The following APP variants were observed in gnomAD, a reference collection of about 807,000 sequenced individuals.
The protein encoded by APP is amyloid beta precursor protein.
APP carries 31 observed loss-of-function variants against 101.4 expected under a neutral mutation model. The ratio of observed to expected loss-of-function variants is 0.31; its 90% CI spans 0.23 to 0.41. The LOEUF is 0.41. APP is among the 10% of genes least tolerant of loss of function. APP has a pLI of 1.00. For missense variants in APP, 839 were observed against 1,003.7 expected (o/e 0.84, Z 2.22); for synonymous variants, 366 against 364.4 (o/e 1.00, Z -0.05).
chr21:26,022,545 A>G (rs116328998), intron 5 of APP, among the ~76,000 whole-genome samples: 2,679 of 152,272 alleles, frequency 0.018, 75 homozygotes, highest in African/African-American at 0.061. Context: ...GTACCATACT[A>G]AGGCAAAATG....
chr21:25,925,959 CAACA>C (rs1168263903), intron 13 of APP, among the ~76,000 whole-genome samples: 1 of 152,090 alleles, frequency 6.6e-6, no homozygotes, highest in African/African-American at 2.4e-5. Flanking sequence ...CAAAAACAAA[CAACA>C]AACAAAAAAA....
At chr21:26,024,706 G>A (rs2044492938) in intron 5 of APP, among the ~76,000 whole-genome samples, 1 of 152,200 alleles carries the variant, frequency 6.6e-6, no homozygotes, top group Non-Finnish European at 1.5e-5. Flanking sequence ...GTATAAAGAT[G>A]TGTATGATCC....
intron 13 of APP, among the ~76,000 whole-genome samples, chr21:25,912,791 T>C (rs955817020): frequency 2.6e-5 from 4 of 152,194 alleles, no homozygotes; most frequent in Non-Finnish European, 5.9e-5. Context: ...CATTGACTTA[T>C]CTTTTCTTAC....
intron 1 of APP, among the ~76,000 whole-genome samples, chr21:26,162,237 G>A (rs1057367772): frequency 1.3e-5 from 2 of 152,226 alleles, no homozygotes; most frequent in Admixed American, 1.3e-4. Flanking sequence ...GCTGGGGCAG[G>A]AAGATGGCTT....
At chr21:26,166,276 T>C (rs1288122409) in intron 1 of APP, among the ~76,000 whole-genome samples, 1 of 152,032 alleles carries the variant, frequency 6.6e-6, no homozygotes, top group African/African-American at 2.4e-5. Flanking sequence ...CATTCTGGGG[T>C]GTGCTCATTC....
intron 2 of APP, among the ~76,000 whole-genome samples, chr21:26,091,321 C>A (rs900042332): frequency 6.6e-6 from 1 of 152,054 alleles, no homozygotes; most frequent in Admixed American, 6.5e-5. Flanking sequence ...GAATGTATGG[C>A]GCACAGGACT....
At chr21:25,918,796 G>A (rs1353543703) in intron 13 of APP, among the ~76,000 whole-genome samples, 1 of 150,570 alleles carries the variant, frequency 6.6e-6, no homozygotes, top group Non-Finnish European at 1.5e-5. Flanking sequence ...CGGCAGCGAG[G>A]CTGGGGGAGG....
At chr21:25,897,445 TA>T in intron 16 of APP, 127 bp downstream of exon 16, 1 of 808,326 alleles carries the variant, frequency 1.2e-6, no homozygotes, top group Non-Finnish European at 2.1e-6. Context: ...GTTTTCATGG[TA>T]ATCCTATAGG....
At chr21:26,095,931 T>A (rs988950948) in intron 2 of APP, among the ~76,000 whole-genome samples, 1 of 152,220 alleles carries the variant, frequency 6.6e-6, no homozygotes, top group Non-Finnish European at 1.5e-5. Context: ...TCCTTGATTT[T>A]CCTTTTTAAA....
intron 9 of APP, 151 bp from the exon 10 acceptor site, chr21:25,976,179 T>A: frequency 3.1e-6 from 2 of 639,666 alleles, no homozygotes; most frequent in South Asian, 3.5e-5. Flanking sequence ...TGAAGAATAT[T>A]TGACCTCCCA....
intron 8 of APP, among the ~76,000 whole-genome samples, chr21:25,988,425 G>A (rs534340350): frequency 3.9e-5 from 6 of 152,262 alleles, no homozygotes; most frequent in Non-Finnish European, 8.8e-5. Flanking sequence ...AGACAGGCTG[G>A]GTGCAGTGGC....
intron 8 of APP, among the ~76,000 whole-genome samples, chr21:25,993,671 T>C (rs2042952702): frequency 6.6e-6 from 1 of 152,176 alleles, no homozygotes; most frequent in South Asian, 2.1e-4. Context: ...GCCCCCAAAT[T>C]TGTGGAAAGT....
intron 5 of APP, among the ~76,000 whole-genome samples, chr21:26,023,521 CAA>C (rs1171689190): frequency 6.7e-6 from 1 of 150,342 alleles, no homozygotes; most frequent in African/African-American, 2.5e-5. Flanking sequence ...GCTAGGGAGA[CAA>C]AGACACTGCC....
intron 11 of APP, among the ~76,000 whole-genome samples, chr21:25,969,322 TG>T (rs1277802787): frequency 2.4e-4 from 28 of 117,602 alleles, no homozygotes; most frequent in African/African-American, 9.5e-4. Context: ...CACTCCAGCC[TG>T]GGCGACAAAG....
intron 3 of APP, among the ~76,000 whole-genome samples, chr21:26,068,714 A>T (rs1019546252): frequency 6.6e-6 from 1 of 152,152 alleles, no homozygotes; most frequent in Non-Finnish European, 1.5e-5. Context: ...CCACCAATCT[A>T]TCTCAAGCCA....
intron 2 of APP, among the ~76,000 whole-genome samples, chr21:26,096,960 T>C (rs1178370921): frequency 6.6e-6 from 1 of 152,184 alleles, no homozygotes; most frequent in African/African-American, 2.4e-5. Context: ...AGACCGGATC[T>C]GACAGGGCCT....
At chr21:25,970,766 C>T (rs1169621169) in intron 11 of APP, among the ~76,000 whole-genome samples, 1 of 152,128 alleles carries the variant, frequency 6.6e-6, no homozygotes, top group African/African-American at 2.4e-5. Flanking sequence ...CTCCATCTCC[C>T]GAGGTTGCAG....
chr21:25,891,532 G>A (rs2037695914), intron 17 of APP, among the ~76,000 whole-genome samples, 190 bp downstream of exon 17: 1 of 152,146 alleles, frequency 6.6e-6, no homozygotes, highest in South Asian at 2.1e-4. Context: ...AATACCTTGA[G>A]CAGAATATTC....
At chr21:25,896,873 G>C (rs548776063) in intron 16 of APP, among the ~76,000 whole-genome samples, 1 of 152,190 alleles carries the variant, frequency 6.6e-6, no homozygotes, top group South Asian at 2.1e-4. Context: ...AAAAGAAAGA[G>C]CTGGGGGAGA....
Sources: gnomAD v4.1 joint callset for allele counts (sites outside exome capture counted in the v4.1 genomes callset) on GRCh38, gnomAD v4.1.1 for gene constraint, MANE v1.5 for transcripts, NCBI Gene and HGNC (gene_info 2026-07-23, HGNC 2026-07-21) for gene names.